The following DHTKD1 variants were observed in gnomAD, a reference collection of about 807,000 sequenced individuals.
DHTKD1 encodes the protein dehydrogenase E1 and transketolase domain containing 1, also known as 2-oxoadipate dehydrogenase complex component E1.
Under a neutral mutation model 101.8 loss-of-function variants are expected in DHTKD1, and 78 were observed. That is an observed-to-expected ratio of 0.77 (90% CI 0.64 to 0.93). The LOEUF is 0.93. Ranked by LOEUF, DHTKD1 falls within the 40% of genes least tolerant of loss-of-function variation. The pLI is 0.00. For missense variants in DHTKD1, 1,223 were observed against 1,161.7 expected (o/e 1.05, Z -0.77); for synonymous variants, 462 against 450.3 (o/e 1.03, Z -0.33).
At chr10:12,078,468 C>T (rs552850955) in intron 1 of DHTKD1, among the ~76,000 whole-genome samples, 10 of 151,696 alleles carry the variant, frequency 6.6e-5, no homozygotes, top group East Asian at 1.9e-4. Flanking sequence ...AAAAATTAGC[C>T]GGGCATGGCG....
intron 5 of DHTKD1, 85 bp from the exon 6 acceptor site, chr10:12,091,428 A>AAAAAAG (rs1350720424): frequency 1.1e-6 from 1 of 880,036 alleles, no homozygotes; most frequent in Non-Finnish European, 1.6e-6. Context: ...AAAAAAAAAA[A>AAAAAAG]AAGTTATTCC....
At chr10:12,095,647 A>G (rs995732457) in intron 7 of DHTKD1, among the ~76,000 whole-genome samples, 3 of 152,060 alleles carry the variant, frequency 2.0e-5, no homozygotes, top group South Asian at 4.2e-4. Flanking sequence ...CCGCGTCTCT[A>G]CTAAAAATAC....
Position 12,089,012 on chromosome 10 carries a change from A to G in DHTKD1, c.744A>G (p.Leu248=), listed in dbSNP as rs370385309. The change falls in exon 5 of 17, where the codon TTA becomes TTG. Residue 248 remains leucine, a synonymous_variant. Coordinates refer to ENST00000263035, the MANE Select transcript of DHTKD1 (RefSeq NM_018706.7). Reference sequence around the variant, plus strand: ...TGATGTTCCGTAAAATGCGAGGCTTAAGTGAATTTCCAGAGAATTTCTCAG... The same window carrying G: ...TGATGTTCCGTAAAATGCGAGGCTTGAGTGAATTTCCAGAGAATTTCTCAG... ...PELMFRKMRG[L]SEFPENFSAT... 70 of 1,613,948 alleles carry G rather than the reference A, an allele frequency of 4.3e-5. No homozygotes were observed. The highest frequency in any genetic ancestry group is 5.5e-5 in the Non-Finnish European group (65 of 1,179,950).
At position 12,084,682 on chromosome 10, in the gene DHTKD1, G is replaced by A. The variant is rs1177154487; in HGVS notation, c.453G>A (p.Glu151=). ...DEKDWFAKRF[E]ELQKETFTTE... The stretch of plus-strand genomic sequence containing the variant: ...AAGACTGGTTTGCCAAGCGGTTTGA[G>A]GAACTGCAAAAGGAGACGTTTACCA... The change falls in exon 3 of 17, where the codon GAG becomes GAA. Residue 151 remains glutamate (E), a synonymous_variant. Coordinates refer to ENST00000263035, the MANE Select transcript of DHTKD1 (RefSeq NM_018706.7). The A allele has an allele frequency of 6.2e-6, 10 of 1,614,134 alleles. No homozygotes were observed. Among genetic ancestry groups the A allele is most frequent in the Non-Finnish European group, 8.5e-6 (10 of 1,180,036 alleles).
At chr10:12,072,876 A>C (rs1162151333) in intron 1 of DHTKD1, among the ~76,000 whole-genome samples, 1 of 151,590 alleles carries the variant, frequency 6.6e-6, no homozygotes, top group African/African-American at 2.4e-5. Flanking sequence ...AGCTAGGACT[A>C]CAGGCATGTA....
chr10:12,091,154 T>C (rs1245518899), intron 5 of DHTKD1, among the ~76,000 whole-genome samples: 2 of 152,172 alleles, frequency 1.3e-5, no homozygotes, highest in African/African-American at 2.4e-5. Context: ...CTCATGCCTG[T>C]AATCCCAGCA....
chr10:12,121,184 C>A lies in DHTKD1; in HGVS notation c.*296C>A. ...GCAGTGAGCCAGGATCACACCATTG[C>A]TGTCCAGCCTGGGTGACAGAGCAAG... On this transcript the variant is annotated 3_prime_UTR_variant, in exon 17 of 17. Coordinates refer to ENST00000263035, the MANE Select transcript of DHTKD1 (RefSeq NM_018706.7). 4.0e-6 allele frequency: 1 copy of A among 251,768 alleles called. No individual in the cohort carries two copies. The highest frequency in any genetic ancestry group is 7.7e-6 in the Non-Finnish European group (1 of 130,088). The allele number at this position is 251,768 out of a possible 1,614,324, so 15.6% of individuals were successfully genotyped here. A position where few individuals can be genotyped will look rare whatever the true frequency, so the allele number is the denominator to read the frequency against.
At chr10:12,072,476 T>TAC (rs10672638) in intron 1 of DHTKD1, among the ~76,000 whole-genome samples, 1,747 of 46,456 alleles carry the variant, frequency 0.038, 27 homozygotes, top group East Asian at 0.18. Context: ...AATAAATAAA[T>TAC]AAATAAATAA....
chr10:12,100,968 A>G, intron 9 of DHTKD1, 74 bp from the exon 10 acceptor site: 1 of 1,496,666 alleles, frequency 6.7e-7, no homozygotes, highest in Non-Finnish European at 9.2e-7. Context: ...CCAGTATATA[A>G]GAATTTACAG....
At chr10:12,080,298 T>TA (rs1832796079) in intron 1 of DHTKD1, among the ~76,000 whole-genome samples, 1 of 27,142 alleles carries the variant, frequency 3.7e-5, no homozygotes. Context: ...AGACTCCGTC[T>TA]CAAAAAAAAA....
chr10:12,099,838 C>T (rs1412521834), intron 8 of DHTKD1, among the ~76,000 whole-genome samples: 2 of 139,494 alleles, frequency 1.4e-5, no homozygotes, highest in African/African-American at 5.3e-5. Context: ...GCTCTGTCGC[C>T]CAGGCTGTAG....
At chr10:12,095,895 G>A (rs1833065435) in intron 7 of DHTKD1, among the ~76,000 whole-genome samples, 1 of 150,832 alleles carries the variant, frequency 6.6e-6, no homozygotes, top group Admixed American at 6.6e-5. Context: ...TGTAGTCCCA[G>A]CTACTCGGGA....
chr10:12,081,971 A>AT (rs1255389045), intron 2 of DHTKD1, among the ~76,000 whole-genome samples: 1 of 151,778 alleles, frequency 6.6e-6, no homozygotes, highest in East Asian at 1.9e-4. Flanking sequence ...AAAAAAAAAA[A>AT]AAAAAAATAA....
intron 15 of DHTKD1, among the ~76,000 whole-genome samples, chr10:12,119,615 C>CAAAAAAAAA (rs71382684): frequency 1.1e-5 from 1 of 89,376 alleles, no homozygotes; most frequent in Non-Finnish European, 2.2e-5. Flanking sequence ...GACTCCGTCT[C>CAAAAAAAAA]AAAAAAAAAA....
In DHTKD1 at chr10:12,069,007, G is replaced by C. The variant is rs751586149; in HGVS notation, c.-27G>C. On this transcript the variant is annotated 5_prime_UTR_variant, in exon 1 of 17. Transcript: ENST00000263035. ...GGGATCCCCTCGGGCTCCCGCCTTA[G>C]CATGCTGGCCGGGACATCTGGTGAA... is the stretch of plus-strand genomic sequence containing the variant. The C allele has an allele frequency of 1.2e-6, 2 of 1,612,094 alleles. No individual in the cohort carries two copies. Among genetic ancestry groups the C allele is most frequent in the African/African-American group, 2.7e-5 (2 of 74,776 alleles).
chr10:12,100,934 C>A, intron 9 of DHTKD1, 108 bp from the exon 10 acceptor site: 1 of 1,140,642 alleles, frequency 8.8e-7, no homozygotes, highest in South Asian at 1.5e-5. Context: ...ATCTGTTATC[C>A]TAAGGAAAAT....
At chr10:12,098,576 T>A (rs1444285354) in intron 8 of DHTKD1, among the ~76,000 whole-genome samples, 1 of 152,198 alleles carries the variant, frequency 6.6e-6, no homozygotes, top group Non-Finnish European at 1.5e-5. Context: ...TTATTTTATG[T>A]TATTTTTGGA....
chr10:12,118,819 GC>G lies in DHTKD1; in HGVS notation c.2475del (p.Lys826ArgfsTer10). On this transcript the variant is annotated frameshift_variant, in exon 15 of 17. Transcript: ENST00000263035. LOFTEE classifies it high-confidence loss of function. ...SLVKQRESLGAKKHDFAIIRV... is the reference protein window; with the variant it reads ...SLVKQRESLGXKKHDFAIIRV... The stretch of plus-strand genomic sequence containing the variant: ...GGTGAAACAAAGAGAATCTCTGGGG[GC>G]CAAGAAGCATGACTTTGCCATCATC... The G allele has an allele frequency of 6.2e-7, 1 of 1,608,558 alleles. No individual in the cohort carries two copies. The highest frequency in any genetic ancestry group is 8.5e-7 in the Non-Finnish European group (1 of 1,177,848).
Position 12,106,259 on chromosome 10 carries a change from CA to C in DHTKD1, c.1911del (p.Leu638CysfsTer13), listed in dbSNP as rs1564396357. On this transcript the variant is annotated frameshift_variant, in exon 11 of 17. Transcript: ENST00000263035. LOFTEE classifies it high-confidence loss of function. ...CTCTGGGATTAGGTCAGCAACAGCC[CA>C]CTGTCAGAAGAGGCCGTCCTGGGAT... ...QKGFLEVSNSPLSEEAVLGFE... is the reference protein window; with the variant it reads ...QKGFLEVSNSXLSEEAVLGFE... The C allele has an allele frequency of 2.5e-6, 4 of 1,613,972 alleles. No individual in the cohort carries two copies. Among genetic ancestry groups the C allele is most frequent in the Non-Finnish European group, 3.4e-6 (4 of 1,179,982 alleles).
Sources: gnomAD v4.1 joint callset for allele counts (sites outside exome capture counted in the v4.1 genomes callset) on GRCh38, gnomAD v4.1.1 for gene constraint, MANE v1.5 for transcripts, NCBI Gene and HGNC (gene_info 2026-07-23, HGNC 2026-07-21) for gene names.